The following RUFY2 variants were observed in gnomAD, a reference collection of about 807,000 sequenced individuals.
RUFY2 encodes RUN and FYVE domain containing 2.
Under a neutral mutation model 94.4 loss-of-function variants are expected in RUFY2, and 49 were observed. The observed-to-expected ratio is 0.52, with a 90% CI of 0.41 to 0.66. The LOEUF (loss-of-function observed/expected upper bound fraction) is 0.66, where lower values mean the gene tolerates loss of function less well. Ranked by LOEUF, RUFY2 falls within the 30% of genes least tolerant of loss-of-function variation. RUFY2 has a pLI of 0.00. For missense variants in RUFY2, 541 were observed against 692.8 expected (o/e 0.78, Z 2.46); for synonymous variants, 255 against 235.7 (o/e 1.08, Z -0.75).
At chr10:68,342,009 T>C (rs1459879731), downstream of RUFY2, 2 of 1,613,998 alleles carry the variant, frequency 1.2e-6, no homozygotes, top group Admixed American at 1.7e-5. Flanking sequence ...GAGGTTACTA[T>C]GGGCAAGGCG....
chr10:68,376,436 A>ATG (rs199958667), intron 13 of RUFY2, among the ~76,000 whole-genome samples: 1,181 of 58,252 alleles, frequency 0.02, 25 homozygotes, highest in South Asian at 0.025. Context: ...TCTCAAAAAA[A>ATG]TGTGTGTATA....
chr10:68,345,565 T>C lies in RUFY2; in HGVS notation c.*203A>G. 1 of 499,656 alleles carries C rather than the reference T, an allele frequency of 2.0e-6. No homozygotes were observed. Among genetic ancestry groups the C allele is most frequent in the Non-Finnish European group, 3.5e-6 (1 of 287,122 alleles). The allele number at this position is 499,656 out of a possible 1,614,324, so 31.0% of individuals were successfully genotyped here. On this transcript the variant is annotated 3_prime_UTR_variant, in exon 18 of 18. Coordinates refer to ENST00000602465, the MANE Select transcript of RUFY2 (RefSeq NM_001330103.2). ...TAATGAGTTACATGATTTTTAAGCA[T>C]GCTCTGTTGAAAATACATTTTGAAA...
intron 15 of RUFY2, 126 bp downstream of exon 15, chr10:68,363,464 A>C: frequency 1.7e-6 from 1 of 581,734 alleles, no homozygotes; most frequent in Non-Finnish European, 2.9e-6. Flanking sequence ...ACAGGCGTGA[A>C]CCACCGCGCC....
At chr10:68,391,968 A>T (rs2133037551) in intron 7 of RUFY2, among the ~76,000 whole-genome samples, 1 of 152,152 alleles carries the variant, frequency 6.6e-6, no homozygotes, top group South Asian at 2.1e-4. Flanking sequence ...TCTGTCTCAA[A>T]AAAACAAACA....
At chr10:68,375,644 C>T (rs983783801) in intron 13 of RUFY2, among the ~76,000 whole-genome samples, 14 of 151,826 alleles carry the variant, frequency 9.2e-5, no homozygotes, top group Non-Finnish European at 1.9e-4. Flanking sequence ...GGTGTGGTGG[C>T]GAGTGCCTGT....
intron 16 of RUFY2, 92 bp from the exon 17 acceptor site, chr10:68,346,176 G>C (rs964909750): frequency 7.0e-6 from 6 of 858,958 alleles, no homozygotes; most frequent in Middle Eastern, 6.1e-4. Flanking sequence ...TATAGGAATA[G>C]ATATATGAAG....
chr10:68,347,361 C>T (rs561541481), intron 16 of RUFY2, among the ~76,000 whole-genome samples: 35 of 149,392 alleles, frequency 2.3e-4, no homozygotes, highest in African/African-American at 7.1e-4. Flanking sequence ...CTCAGCTCAC[C>T]GCAACCTCCG....
intron 13 of RUFY2, among the ~76,000 whole-genome samples, chr10:68,366,800 AT>A (rs2047870162): frequency 7.3e-5 from 1 of 13,652 alleles, no homozygotes; most frequent in African/African-American, 2.0e-4. Flanking sequence ...AATATATAAT[AT>A]ATATAATATA....
chr10:68,390,981 C>G (rs1348375104), intron 7 of RUFY2, among the ~76,000 whole-genome samples: 1 of 144,368 alleles, frequency 6.9e-6, no homozygotes, highest in Non-Finnish European at 1.5e-5. Context: ...GTCGCCCAGG[C>G]TGGAGTGCAA....
intron 7 of RUFY2, 129 bp downstream of exon 7, chr10:68,393,009 C>A: frequency 2.4e-6 from 1 of 413,326 alleles, no homozygotes; most frequent in Non-Finnish European, 4.3e-6. Context: ...TTCTTACTTT[C>A]CATTTTCTCT....
At chr10:68,405,248 G>A (rs1333368220) in intron 1 of RUFY2, among the ~76,000 whole-genome samples, 1 of 145,738 alleles carries the variant, frequency 6.9e-6, no homozygotes. Flanking sequence ...AGGAGGCGGA[G>A]ATTGCAGTGA....
rs564261740 is a variant in RUFY2, at chr10:68,367,736, C to T, written c.1326-3623G>A. Among the ~76,000 whole-genome samples, 8 of 138,560 alleles carry T rather than the reference C, an allele frequency of 5.8e-5. No individual in the cohort carries two copies. The East Asian group carries it at 1.9e-3, about 33-fold the overall frequency. The allele number at this position is 138,560 out of a possible 152,430, so 90.9% of individuals were successfully genotyped here. A position where few individuals can be genotyped will look rare whatever the true frequency, so the allele number is the denominator to read the frequency against. ...TATCTCTCTCCCTCCCTCCCTCCCTCCCTCTCTCTCTCTCTCTCTTTCCTT... is the reference window on the plus strand; with the variant it reads ...TATCTCTCTCCCTCCCTCCCTCCCTTCCTCTCTCTCTCTCTCTCTTTCCTT... On this transcript the variant is annotated intron_variant, in intron 13 of 17. Coordinates refer to ENST00000602465, the MANE Select transcript of RUFY2 (RefSeq NM_001330103.2).
chr10:68,358,479 T>C (rs1004771499), intron 15 of RUFY2, among the ~76,000 whole-genome samples: 2 of 152,206 alleles, frequency 1.3e-5, no homozygotes, highest in African/African-American at 4.8e-5. Flanking sequence ...CACATTTTCT[T>C]GGCTAAATTC....
chr10:68,376,724 T>C (rs1251457041), intron 13 of RUFY2, 129 bp downstream of exon 13: 6 of 936,174 alleles, frequency 6.4e-6, no homozygotes, highest in African/African-American at 3.4e-5. Context: ...TTTTTGTTTT[T>C]TAAAGTAAAC....
chr10:68,380,626 C>T lies in RUFY2; in HGVS notation c.1107+606G>A, dbSNP rs561638523. Among the ~76,000 whole-genome samples the T allele has an allele frequency of 1.2e-4, 18 of 152,196 alleles. No individual in the cohort carries two copies. The East Asian group carries it at 2.5e-3, about 21-fold the overall frequency. ...CCTGTAATCTCAGCACTTTGGGAGGCCGAGGTGGGCGGATCACCTGAGGTC... is the reference window on the plus strand; with the variant it reads ...CCTGTAATCTCAGCACTTTGGGAGGTCGAGGTGGGCGGATCACCTGAGGTC... On this transcript the variant is annotated intron_variant, in intron 11 of 17. Coordinates refer to ENST00000602465, the MANE Select transcript of RUFY2 (RefSeq NM_001330103.2).
chr10:68,362,879 G>A (rs1379742582), intron 15 of RUFY2, among the ~76,000 whole-genome samples: 2 of 152,018 alleles, frequency 1.3e-5, no homozygotes, highest in African/African-American at 4.8e-5. Context: ...AAACCAAACT[G>A]TATGAAGTTA....
intron 16 of RUFY2, 88 bp downstream of exon 16, chr10:68,355,265 G>T: frequency 1.1e-6 from 1 of 951,054 alleles, no homozygotes; most frequent in Non-Finnish European, 1.7e-6. Context: ...ATATCCTGGG[G>T]TTAATAATAC....
intron 13 of RUFY2, among the ~76,000 whole-genome samples, chr10:68,364,868 C>T (rs78841207): frequency 1.8e-3 from 280 of 151,848 alleles, no homozygotes; most frequent in African/African-American, 6.4e-3. Context: ...ATTATTCTAA[C>T]AGGTGCTAGC....
Position 68,344,082 on chromosome 10 carries a change from T to C in RUFY2, c.*1686A>G, listed in dbSNP as rs1404571584. Reference sequence around the variant, plus strand: ...AAAATGGTTCAAGAATATAATCCTCTCTTGAGGACATTTCTGTCAGTATTC... The same window carrying C: ...AAAATGGTTCAAGAATATAATCCTCCCTTGAGGACATTTCTGTCAGTATTC... On this transcript the variant is annotated 3_prime_UTR_variant, in exon 18 of 18. Transcript: ENST00000602465. 2.0e-5 allele frequency: 3 copies of C among 152,206 alleles called. No individual in the cohort carries two copies. Among genetic ancestry groups the C allele is most frequent in the Non-Finnish European group, 2.9e-5 (2 of 68,028 alleles). The allele number at this position is 152,206 out of a possible 1,614,324, so 9.4% of individuals were successfully genotyped here.
Sources: allele counts gnomAD v4.1 joint callset (sites outside exome capture counted in the v4.1 genomes callset), GRCh38; gene constraint gnomAD v4.1.1; transcripts MANE v1.5; gene names NCBI Gene and HGNC (gene_info 2026-07-23, HGNC 2026-07-21).